RGS7: variants seen among roughly 807,000 people sequenced by gnomAD.
RGS7 encodes regulator of G-protein signaling 7.
In RGS7, 27 loss-of-function variants were observed where a neutral mutation model predicts 81.1. That is an observed-to-expected ratio of 0.33 (90% CI 0.25 to 0.46). RGS7 has a LOEUF of 0.46. Ranked by LOEUF, RGS7 falls within the 20% of genes least tolerant of loss-of-function variation. The pLI is 1.00. For synonymous variants in RGS7, 208 were observed against 207.7 expected (o/e 1.00, Z -0.01); for missense variants, 396 against 607.4 (o/e 0.65, Z 3.66).
chr1:241,143,573 C>T (rs1208513658), intron 2 of RGS7, among the ~76,000 whole-genome samples: 6 of 152,102 alleles, frequency 3.9e-5, no homozygotes, highest in Non-Finnish European at 7.3e-5. Flanking sequence ...AAGACCTGCC[C>T]CCATGATTCA....
At chr1:241,344,678 C>T (rs1307100068) in intron 2 of RGS7, among the ~76,000 whole-genome samples, 1 of 152,184 alleles carries the variant, frequency 6.6e-6, no homozygotes, top group Non-Finnish European at 1.5e-5. Context: ...CTCAACAATC[C>T]TGAGTTGCCA....
At chr1:241,313,255 G>T (rs2080660903) in intron 2 of RGS7, among the ~76,000 whole-genome samples, 1 of 152,210 alleles carries the variant, frequency 6.6e-6, no homozygotes, top group East Asian at 1.9e-4. Context: ...CTAAATAATA[G>T]ATTTTCCTTG....
intron 4 of RGS7, among the ~76,000 whole-genome samples, chr1:240,948,270 G>A (rs563045868): frequency 2.3e-4 from 35 of 152,144 alleles, no homozygotes; most frequent in African/African-American, 8.0e-4. Context: ...GGTTTTAGTG[G>A]TTTGTTTGCT....
chr1:240,911,763 C>T (rs1280156712), intron 6 of RGS7, among the ~76,000 whole-genome samples: 1 of 152,052 alleles, frequency 6.6e-6, no homozygotes, highest in African/African-American at 2.4e-5. Flanking sequence ...GTTCCAATCC[C>T]AGCTCAATTG....
intron 2 of RGS7, among the ~76,000 whole-genome samples, chr1:241,301,228 A>C (rs900143790): frequency 6.6e-6 from 1 of 152,246 alleles, no homozygotes; most frequent in African/African-American, 2.4e-5. Context: ...AGCTCATAGC[A>C]AATACATGCT....
chr1:241,051,016 A>C (rs2061222189), intron 3 of RGS7, among the ~76,000 whole-genome samples: 1 of 152,088 alleles, frequency 6.6e-6, no homozygotes, highest in East Asian at 1.9e-4. Flanking sequence ...CATTGTTCAA[A>C]GGTCAACTGT....
chr1:240,800,492 A>G (rs1687848788), intron 18 of RGS7, 149 bp downstream of exon 18: 1 of 438,306 alleles, frequency 2.3e-6, no homozygotes, highest in Admixed American at 4.1e-5. Flanking sequence ...TGTTGAATCC[A>G]GTTTGCTCAC....
At chr1:241,171,681 C>T (rs983418195) in intron 2 of RGS7, among the ~76,000 whole-genome samples, 3 of 152,144 alleles carry the variant, frequency 2.0e-5, no homozygotes, top group Non-Finnish European at 2.9e-5. Context: ...GGGAATACTT[C>T]GGGTATTTTG....
chr1:240,975,125 C>T lies in RGS7; in HGVS notation c.226+7954G>A, dbSNP rs1369388863. Among the ~76,000 whole-genome samples, 6 of 151,996 alleles carry T rather than the reference C, an allele frequency of 3.9e-5. No individual in the cohort carries two copies. The South Asian group carries it at 1.0e-3, about 26-fold the overall frequency. Reference sequence around the variant, plus strand: ...CACTCAAAGAACACAGAAATGCGGCCGGGTGCGGTGGCTCACACCTGTAAT... The same window carrying T: ...CACTCAAAGAACACAGAAATGCGGCTGGGTGCGGTGGCTCACACCTGTAAT... On this transcript the variant is annotated intron_variant, in intron 4 of 18. Transcript: ENST00000440928.
chr1:240,782,229 C>T (rs1361088344), intron 18 of RGS7, among the ~76,000 whole-genome samples: 1 of 152,170 alleles, frequency 6.6e-6, no homozygotes, highest in Non-Finnish European at 1.5e-5. Flanking sequence ...GCTCACTCCT[C>T]CACTGCAATG....
In RGS7 at chr1:241,264,546, C is replaced by T. The variant is rs546840650; in HGVS notation, c.78+91153G>A. On this transcript the variant is annotated intron_variant, in intron 2 of 18. Coordinates refer to ENST00000440928, the MANE Select transcript of RGS7 (RefSeq NM_001364886.1). ...CTATGTATTGATAAAAAACCCTGAA[C>T]GTCATGTTTTCAAGAACACTCTTTC... Among the ~76,000 whole-genome samples the T allele has an allele frequency of 3.3e-5, 5 of 152,110 alleles. No homozygotes were observed. The South Asian group carries it at 6.2e-4, about 19-fold the overall frequency.
chr1:240,983,271 G>A (rs1685195152), intron 3 of RGS7, 142 bp from the exon 4 acceptor site: 1 of 515,668 alleles, frequency 1.9e-6, no homozygotes, highest in African/African-American at 1.9e-5. Context: ...ATCTACCCCA[G>A]ATGGAATGCT....
intron 2 of RGS7, among the ~76,000 whole-genome samples, chr1:241,203,468 G>C (rs2073666768): frequency 6.6e-6 from 1 of 152,088 alleles, no homozygotes; most frequent in Admixed American, 6.6e-5. Context: ...CTGACCTTGT[G>C]ATCTGCCCAC....
At chr1:240,782,669 A>G (rs1684333352) in intron 18 of RGS7, among the ~76,000 whole-genome samples, 1 of 152,122 alleles carries the variant, frequency 6.6e-6, no homozygotes, top group African/African-American at 2.4e-5. Flanking sequence ...CGATCCTCCC[A>G]GCTCAGTCTC....
chr1:241,228,453 A>G (rs1237467854), intron 2 of RGS7, among the ~76,000 whole-genome samples: 1 of 152,244 alleles, frequency 6.6e-6, no homozygotes, highest in Non-Finnish European at 1.5e-5. Flanking sequence ...AATAAATGTT[A>G]TATTATCTAT....
At chr1:241,121,785 A>G (rs1276458084) in intron 2 of RGS7, among the ~76,000 whole-genome samples, 1 of 139,958 alleles carries the variant, frequency 7.1e-6, no homozygotes, top group African/African-American at 2.7e-5. Flanking sequence ...TGGCAAGACC[A>G]TGGCTTACTG....
chr1:241,137,896 C>T (rs2067636273), intron 2 of RGS7, among the ~76,000 whole-genome samples: 1 of 152,144 alleles, frequency 6.6e-6, no homozygotes, highest in Non-Finnish European at 1.5e-5. Context: ...AATGGCCGGG[C>T]ACCGTGGCTC....
chr1:241,288,632 C>A (rs2078941776), intron 2 of RGS7, among the ~76,000 whole-genome samples: 1 of 152,278 alleles, frequency 6.6e-6, no homozygotes, highest in Middle Eastern at 3.4e-3. Flanking sequence ...CCACGGTTAT[C>A]TGTCTGGAAG....
intron 9 of RGS7, among the ~76,000 whole-genome samples, chr1:240,854,007 G>A (rs1012658281): frequency 6.8e-6 from 1 of 146,612 alleles, no homozygotes; most frequent in Non-Finnish European, 1.5e-5. Flanking sequence ...ATTCAGGAAT[G>A]TTCTCTTGGG....
Sources: gnomAD v4.1 joint callset for allele counts (sites outside exome capture counted in the v4.1 genomes callset) on GRCh38, gnomAD v4.1.1 for gene constraint, MANE v1.5 for transcripts, NCBI Gene and HGNC (gene_info 2026-07-23, HGNC 2026-07-21) for gene names.